CEP44: variants seen among roughly 807,000 people sequenced by gnomAD.
The protein encoded by CEP44 is centrosomal protein of 44 kDa.
Under a neutral mutation model 46.7 loss-of-function variants are expected in CEP44, and 45 were observed. The observed-to-expected ratio is 0.96, with a 90% CI of 0.76 to 1.24. The LOEUF (loss-of-function observed/expected upper bound fraction) is 1.24, where lower values mean the gene tolerates loss of function less well. CEP44 is among the 50% of genes most tolerant of loss of function. The probability of loss-of-function intolerance (pLI) is 0.00; values close to 1 mark genes in which losing one functional copy is unlikely to be tolerated. For missense variants in CEP44, 475 were observed against 459.7 expected (o/e 1.03, Z -0.30); for synonymous variants, 142 against 146.0 (o/e 0.97, Z 0.20).
chr4:174,323,171 A>G (rs538206869), downstream of CEP44, among the ~76,000 whole-genome samples: 1 of 152,158 alleles, frequency 6.6e-6, no homozygotes. Flanking sequence ...TTTATCACAG[A>G]TATCACAGGA....
At chr4:174,332,285 T>C (rs1482627245) in exon 9 of CEP44, 1 of 152,210 alleles carries the variant, frequency 6.6e-6, no homozygotes, top group African/African-American at 2.4e-5. Context: ...TTAAGTCCCT[T>C]ATACCTAAGA....
intron 8 of CEP44, among the ~76,000 whole-genome samples, chr4:174,327,894 CT>C (rs1731066804): frequency 6.6e-6 from 1 of 152,052 alleles, no homozygotes; most frequent in South Asian, 2.1e-4. Context: ...ATTTTGAAAA[CT>C]TTTCAGGTGA....
downstream of CEP44, among the ~76,000 whole-genome samples, chr4:174,325,030 C>G (rs13113436): frequency 0.073 from 11,049 of 152,222 alleles, 495 homozygotes; most frequent in Non-Finnish European, 0.11. This position sits in a 1 kb window ranked among gnomAD's most constrained non-coding sequence, Gnocchi z 4.4. Context: ...GTGGGAATTC[C>G]TCCCTCACCA....
In CEP44 at chr4:174,288,582, ATGT is replaced by A. The variant is rs1304915075; in HGVS notation, c.-148+4645_-148+4647del. 6.6e-6 allele frequency among the ~76,000 whole-genome samples: 1 copy of A among 152,118 alleles called. No individual in the cohort carries two copies. The highest frequency in any genetic ancestry group is 1.5e-5 in the Non-Finnish European group (1 of 68,000). On this transcript the variant is annotated intron_variant, in intron 1 of 11. Transcript: ENST00000503780. This position sits in a 1 kb window ranked among gnomAD's most constrained non-coding sequence, Gnocchi z 4.6. ...AGCATAATGTCCTTCAGGTTCATCC[ATGT>A]TGTTGCAAATGGCAGGATTTCCTTC... is the stretch of plus-strand genomic sequence containing the variant.
Position 174,331,567 on chromosome 4 carries a change from G to T in CEP44, c.1172G>T (p.Ser391Ile). ...CATACTTCATACCTTTCATCACAGA[G>T]CTTTGCTTGGCCTCTCTCCTGTGTG... Residue 391 changes from serine to isoleucine, a missense_variant, in exon 9 of 9, where the codon AGC (serine) becomes ATC (isoleucine). Physicochemically the swap from Ser to Ile is moderately radical, Grantham distance 142. Transcript: ENST00000426172. The surrounding 1 kb of genome is among the most constrained non-coding windows in gnomAD (Gnocchi z 4.5). 1 of 1,551,462 alleles carries T rather than the reference G, an allele frequency of 6.4e-7. No homozygotes were observed. Among genetic ancestry groups the T allele is most frequent in the South Asian group, 1.2e-5 (1 of 84,048 alleles).
chr4:174,308,327 A>G (rs974506043), intron 6 of CEP44, among the ~76,000 whole-genome samples: 6 of 152,144 alleles, frequency 3.9e-5, no homozygotes, highest in African/African-American at 1.4e-4. Flanking sequence ...TCCTTTGCAG[A>G]GACATGGATG....
downstream of CEP44, chr4:174,320,423 A>G: frequency 1.8e-5 from 10 of 557,342 alleles, no homozygotes; most frequent in Non-Finnish European, 1.9e-5. Context: ...TCAATTTTAT[A>G]AACTACAACA....
Position 174,328,250 on chromosome 4 carries a change from C to T in CEP44, c.1087-3232C>T, listed in dbSNP as rs953054770. On this transcript the variant is annotated intron_variant, in intron 8 of 8. Transcript: ENST00000426172. ...AACATCTAAGTTGTGGCCATGTGGC[C>T]GTTCCAGTCCCAAAGGGCTGACTGG... Among the ~76,000 whole-genome samples the T allele has an allele frequency of 5.3e-5, 8 of 152,154 alleles. No individual in the cohort carries two copies. In the South Asian group the frequency reaches 1.5e-3, roughly 28 times the overall value.
rs372459505 is a variant in CEP44 at position 174,312,540 on chromosome 4, G to A, written c.961+1682G>A. The stretch of plus-strand genomic sequence containing the variant: ...GCTGGTCTTGAACTCCTGGGCTCAA[G>A]CAATCCTCCCATCTCTGCTTCTCAA... On this transcript the variant is annotated intron_variant, in intron 9 of 11. Transcript: ENST00000503780. The surrounding 1 kb of genome is among the most constrained non-coding windows in gnomAD (Gnocchi z 4.5). 2.0e-4 allele frequency among the ~76,000 whole-genome samples: 31 copies of A among 152,228 alleles called. No individual in the cohort carries two copies. The highest frequency in any genetic ancestry group is 7.0e-4 in the African/African-American group (29 of 41,538).
At chr4:174,293,911 G>A (rs1046361367) in intron 1 of CEP44, among the ~76,000 whole-genome samples, 10 of 152,122 alleles carry the variant, frequency 6.6e-5, no homozygotes, top group Non-Finnish European at 1.3e-4. Flanking sequence ...CTTAAGTGTG[G>A]TGTTAGCTGT....
At chr4:174,316,348 T>A in intron 10 of CEP44, 58 bp downstream of exon 10, 1 of 1,542,238 alleles carries the variant, frequency 6.5e-7, no homozygotes, top group Admixed American at 1.8e-5. Flanking sequence ...AAGCATTAGC[T>A]TTTGTTGTAA....
In CEP44 at chr4:174,287,075, C is replaced by T. The variant is rs1205045319; in HGVS notation, c.-148+3132C>T. On this transcript the variant is annotated intron_variant, in intron 1 of 11. Coordinates refer to ENST00000503780, the MANE Select transcript of CEP44 (RefSeq NM_001040157.3). This position sits in a 1 kb window ranked among gnomAD's most constrained non-coding sequence, Gnocchi z 5.1. ...CCGATGACAGTGCAAAACATCTTGA[C>T]TGACAATGGTGGTGGCTTATTAAAG... Among the ~76,000 whole-genome samples the T allele has an allele frequency of 6.6e-6, 1 of 152,162 alleles. No individual in the cohort carries two copies. The highest frequency in any genetic ancestry group is 1.5e-5 in the Non-Finnish European group (1 of 68,024).
Position 174,319,596 on chromosome 4 carries a change from T to C in CEP44, c.*2213T>C. On this transcript the variant is annotated 3_prime_UTR_variant, in exon 12 of 12. Transcript: ENST00000503780. Reference sequence around the variant, plus strand: ...ACTTAAAACATTTCTAATCTCCTAGTTTATATACAGTGTGCAAAATATAAG... The same window carrying C: ...ACTTAAAACATTTCTAATCTCCTAGCTTATATACAGTGTGCAAAATATAAG... The C allele has an allele frequency of 1.4e-6, 1 of 712,008 alleles. No individual in the cohort carries two copies. The highest frequency in any genetic ancestry group is 1.7e-6 in the Non-Finnish European group (1 of 580,334). 44.1% of individuals were successfully genotyped at this position (712,008 alleles called of 1,614,324 possible).
chr4:174,328,969 CAG>C (rs775777588), intron 8 of CEP44, among the ~76,000 whole-genome samples: 79 of 151,812 alleles, frequency 5.2e-4, no homozygotes, highest in Non-Finnish European at 1.1e-3. Flanking sequence ...TCTTTTAAGA[CAG>C]AGTCTTTTTC....
chr4:174,290,352 A>G lies in CEP44; in HGVS notation c.-148+6409A>G, dbSNP rs1234613861. 6.6e-6 allele frequency among the ~76,000 whole-genome samples: 1 copy of G among 151,228 alleles called. No individual in the cohort carries two copies. Among genetic ancestry groups the G allele is most frequent in the Non-Finnish European group, 1.5e-5 (1 of 67,768 alleles). ...TTCCCCTGTATTTGTGAATTTTTCC[A>G]TTTTCTTTCTATTATTGATTTCTAG... On this transcript the variant is annotated intron_variant, in intron 1 of 11. Coordinates refer to ENST00000503780, the MANE Select transcript of CEP44 (RefSeq NM_001040157.3). This position sits in a 1 kb window ranked among gnomAD's most constrained non-coding sequence, Gnocchi z 4.3.
downstream of CEP44, among the ~76,000 whole-genome samples, chr4:174,324,904 C>G (rs1432231451): frequency 6.6e-6 from 1 of 152,146 alleles, no homozygotes; most frequent in African/African-American, 2.4e-5. Flanking sequence ...AAATTCAACC[C>G]CCATAGAGCA....
At chr4:174,323,307 C>T (rs1000716933), downstream of CEP44, among the ~76,000 whole-genome samples, 4 of 151,808 alleles carry the variant, frequency 2.6e-5, no homozygotes, top group East Asian at 5.8e-4. Context: ...AGAGGTTTTC[C>T]CCCCTCATGT....
intron 6 of CEP44, among the ~76,000 whole-genome samples, chr4:174,306,401 A>G (rs1428503641): frequency 6.6e-6 from 1 of 152,150 alleles, no homozygotes; most frequent in Non-Finnish European, 1.5e-5. Flanking sequence ...ATTATGGAAC[A>G]TTTCAAACAT....
chr4:174,327,561 T>C (rs1742762676), intron 8 of CEP44, among the ~76,000 whole-genome samples: 1 of 152,052 alleles, frequency 6.6e-6, no homozygotes, highest in South Asian at 2.1e-4. Flanking sequence ...TTGTAGCAAT[T>C]ATAACAATAA....
Sources: allele counts gnomAD v4.1 joint callset (sites outside exome capture counted in the v4.1 genomes callset), GRCh38; gene constraint gnomAD v4.1.1; non-coding constraint Gnocchi (gnomAD v3.1); transcripts MANE v1.5; gene names NCBI Gene and HGNC (gene_info 2026-07-23, HGNC 2026-07-21).